The following STARD13 variants were observed in gnomAD, a reference collection of about 807,000 sequenced individuals.
STARD13 encodes StAR related lipid transfer domain containing 13, also known as stAR-related lipid transfer protein 13.
A neutral mutation model predicts 106.4 loss-of-function variants in STARD13; 62 were observed. That is an observed-to-expected ratio of 0.58 (90% CI 0.48 to 0.72). The LOEUF (loss-of-function observed/expected upper bound fraction) is 0.72, where lower values mean the gene tolerates loss of function less well. STARD13 is among the 30% of genes least tolerant of loss of function. The pLI, the probability that STARD13 is intolerant of heterozygous loss-of-function variation, is 0.00. For missense variants in STARD13, 1,387 were observed against 1,424.0 expected (o/e 0.97, Z 0.42); for synonymous variants, 565 against 553.0 (o/e 1.02, Z -0.31).
At chr13:33,641,795 G>A in the STARD13 span, among the ~76,000 whole-genome samples, 4 of 152,028 alleles carry the variant, frequency 2.6e-5, no homozygotes, top group Admixed American at 6.6e-5. Flanking sequence ...CCAGAAAATC[G>A]AGCAGCTGGA....
the STARD13 span, among the ~76,000 whole-genome samples, chr13:33,635,961 G>GT: frequency 6.6e-6 from 1 of 151,886 alleles, no homozygotes; most frequent in Non-Finnish European, 1.5e-5. Context: ...TTCAGCCTGG[G>GT]CGACAGAGTG....
chr13:33,351,531 C>CA (rs2078079278), upstream of STARD13, among the ~76,000 whole-genome samples: 3 of 152,290 alleles, frequency 2.0e-5, no homozygotes, highest in Admixed American at 2.0e-4. Flanking sequence ...GGGTGTCCTG[C>CA]AGTTCACAAA....
the STARD13 span, among the ~76,000 whole-genome samples, chr13:33,634,868 T>C: frequency 2.0e-5 from 3 of 152,140 alleles, no homozygotes; most frequent in African/African-American, 7.2e-5. Flanking sequence ...CCAGAAGACA[T>C]GCTCTGTGTT....
At chr13:33,271,662 T>C (rs2138360414) in intron 1 of STARD13, 1 of 152,238 alleles carries the variant, frequency 6.6e-6, no homozygotes, top group South Asian at 2.1e-4. Context: ...GAGTTCTTGA[T>C]AAAGAGCAGC....
intron 1 of STARD13, among the ~76,000 whole-genome samples, chr13:33,171,765 A>T (rs764203064): frequency 9.2e-5 from 14 of 152,230 alleles, no homozygotes; most frequent in Non-Finnish European, 1.6e-4. Flanking sequence ...TGTTTTACTC[A>T]GTAAGTTCAG....
intron 1 of STARD13, among the ~76,000 whole-genome samples, chr13:33,168,764 A>C (rs1883617122): frequency 6.6e-6 from 1 of 152,218 alleles, no homozygotes; most frequent in Admixed American, 6.5e-5. Flanking sequence ...ATTGTACCTC[A>C]ACATTGAAAG....
chr13:33,621,548 T>A, the STARD13 span, among the ~76,000 whole-genome samples: 1 of 151,162 alleles, frequency 6.6e-6, no homozygotes, highest in Non-Finnish European at 1.5e-5. Flanking sequence ...GGTGTGGTGG[T>A]GGGTGCCTGT....
chr13:33,674,701 G>A, the STARD13 span, among the ~76,000 whole-genome samples: 1 of 152,076 alleles, frequency 6.6e-6, no homozygotes, highest in African/African-American at 2.4e-5. Context: ...AATAAAGAAA[G>A]TGTCATCTTT....
At chr13:33,431,282 AC>A in the STARD13 span, among the ~76,000 whole-genome samples, 1 of 152,152 alleles carries the variant, frequency 6.6e-6, no homozygotes, top group South Asian at 2.1e-4. Context: ...TGTAAAATAC[AC>A]CCCAGATTTT....
the STARD13 span, among the ~76,000 whole-genome samples, chr13:33,650,469 C>T: frequency 2.0e-5 from 3 of 151,912 alleles, no homozygotes; most frequent in Non-Finnish European, 2.9e-5. Context: ...GGATTACAGG[C>T]GTGAGCCACC....
the STARD13 span, among the ~76,000 whole-genome samples, chr13:33,611,998 A>G: frequency 6.6e-6 from 1 of 152,224 alleles, no homozygotes; most frequent in Non-Finnish European, 1.5e-5. Flanking sequence ...ACACAAAAGG[A>G]ATAAAGAACA....
In STARD13 at chr13:33,171,679, G is replaced by C. The variant is rs184054010; in HGVS notation, c.170-4057C>G. Among the ~76,000 whole-genome samples the C allele has an allele frequency of 3.3e-5, 5 of 152,294 alleles. No individual in the cohort carries two copies. In the East Asian group the frequency reaches 9.6e-4, roughly 29 times the overall value. On this transcript the variant is annotated intron_variant, in intron 1 of 13. Coordinates refer to ENST00000336934, the MANE Select transcript of STARD13 (RefSeq NM_178006.4). ...GTCTAAGGAGACCAATAGTCATTTG[G>C]GGGCTGAAATCAACTGGTTGAAAAG...
chr13:33,534,627 A>G, the STARD13 span, among the ~76,000 whole-genome samples: 1 of 152,190 alleles, frequency 6.6e-6, no homozygotes, highest in African/African-American at 2.4e-5. Context: ...ATTTTTTTAT[A>G]TATAGAATAC....
chr13:33,167,821 G>A (rs2296392), intron 1 of STARD13, among the ~76,000 whole-genome samples, 199 bp from the exon 2 acceptor site: 21,405 of 151,972 alleles, frequency 0.14, 1,956 homozygotes, highest in East Asian at 0.27. Flanking sequence ...TTATGTGTCT[G>A]CTAAGATAAT....
the STARD13 span, among the ~76,000 whole-genome samples, chr13:33,516,738 T>G: frequency 1.3e-5 from 2 of 151,890 alleles, no homozygotes; most frequent in South Asian, 2.1e-4. Flanking sequence ...GCCATAAGTG[T>G]AAAATACAAA....
rs542450130 is a variant in STARD13 at position 33,342,348 on chromosome 13, T to C, written c.124+7942A>G. Among the ~76,000 whole-genome samples, 99 of 152,326 alleles carry C rather than the reference T, an allele frequency of 6.5e-4. No individual in the cohort carries two copies. In the Middle Eastern group the frequency reaches 0.01, roughly 16 times the overall value. On this transcript the variant is annotated intron_variant, in intron 1 of 5. Transcript: ENST00000567873. The stretch of plus-strand genomic sequence containing the variant: ...CATTATACGTAGGCCCAACCAGTTA[T>C]AGTAACCAGAGGAGTGCTCATGCTA...
chr13:33,135,956 T>C (rs1878996566), intron 4 of STARD13, among the ~76,000 whole-genome samples: 1 of 152,104 alleles, frequency 6.6e-6, no homozygotes. Flanking sequence ...AACCCATCAC[T>C]ACTAAAAATA....
At chr13:33,672,810 G>A in the STARD13 span, among the ~76,000 whole-genome samples, 5 of 152,092 alleles carry the variant, frequency 3.3e-5, no homozygotes, top group Non-Finnish European at 5.9e-5. Context: ...AATTACTTTC[G>A]ACTAAATAAC....
chr13:33,440,325 A>G, the STARD13 span, among the ~76,000 whole-genome samples: 1 of 151,990 alleles, frequency 6.6e-6, no homozygotes, highest in South Asian at 2.1e-4. Flanking sequence ...GTAACTGAGA[A>G]GAAGACTAAA....
Sources: gnomAD v4.1 joint callset for allele counts (sites outside exome capture counted in the v4.1 genomes callset) on GRCh38, gnomAD v4.1.1 for gene constraint, MANE v1.5 for transcripts, NCBI Gene and HGNC (gene_info 2026-07-23, HGNC 2026-07-21) for gene names.